The following ADAM2 variants were observed in gnomAD, a reference collection of about 807,000 sequenced individuals.
ADAM2 encodes ADAM metallopeptidase domain 2.
In ADAM2, 101 loss-of-function variants were observed where a neutral mutation model predicts 99.3. That is an observed-to-expected ratio of 1.02 (90% CI 0.87 to 1.20). ADAM2 has a LOEUF of 1.20. Ranked by LOEUF, ADAM2 falls within the 50% of genes most tolerant of loss-of-function variation. ADAM2 has a pLI of 0.00. For missense variants in ADAM2, 948 were observed against 878.7 expected, an observed-to-expected ratio of 1.08 and a Z score of -1.00; for synonymous variants, 323 against 287.6, an observed-to-expected ratio of 1.12 and a Z score of -1.25.
At chr8:39,801,735 G>A (rs913285153) in intron 7 of ADAM2, among the ~76,000 whole-genome samples, 8 of 152,008 alleles carry the variant, frequency 5.3e-5, no homozygotes, top group African/African-American at 1.2e-4. Context: ...AGATGCTGCA[G>A]GGAAGCCCCA....
rs766871163 is a variant in ADAM2, at chr8:39,777,176, T to G, written c.892-15A>C. 18 of 1,587,768 alleles carry G rather than the reference T, an allele frequency of 1.1e-5. No individual in the cohort carries two copies. In the Admixed American group the frequency reaches 3.1e-4, roughly 27 times the overall value. On this transcript the variant is annotated splice_polypyrimidine_tract_variant and intron_variant, in intron 10 of 20. Coordinates refer to ENST00000265708, the MANE Select transcript of ADAM2 (RefSeq NM_001464.5). ...GTTCTGGGGTGCTGAGAAAAAAAAA[T>G]AGATGTACACGTTTTGGGAGATTAT...
At chr8:39,821,441 G>A (rs1176690552) in intron 5 of ADAM2, 145 bp downstream of exon 5, 2 of 648,276 alleles carry the variant, frequency 3.1e-6, no homozygotes, top group Non-Finnish European at 5.2e-6. Context: ...GCCATCATAA[G>A]TATTTCCATA....
At chr8:39,833,827 ATGAAT>A (rs1805710819) in intron 3 of ADAM2, 112 bp downstream of exon 3, 1 of 688,204 alleles carries the variant, frequency 1.5e-6, no homozygotes, top group Non-Finnish European at 2.6e-6. Context: ...TAAGGGATGA[ATGAAT>A]GGCAAGAAGC....
chr8:39,813,783 G>C (rs559534013), intron 6 of ADAM2, among the ~76,000 whole-genome samples: 1 of 151,910 alleles, frequency 6.6e-6, no homozygotes, highest in Non-Finnish European at 1.5e-5. Context: ...GGTTGCGGGC[G>C]GGGAGGGATA....
At chr8:39,781,911 C>T (rs569414405) in intron 10 of ADAM2, among the ~76,000 whole-genome samples, 1 of 152,246 alleles carries the variant, frequency 6.6e-6, no homozygotes, top group East Asian at 1.9e-4. Flanking sequence ...GGAAAGAGGC[C>T]AGCGATATGG....
intron 10 of ADAM2, among the ~76,000 whole-genome samples, chr8:39,779,972 G>A (rs896788115): frequency 2.6e-5 from 4 of 151,880 alleles, no homozygotes; most frequent in African/African-American, 7.3e-5. Context: ...AGATGTTCAC[G>A]CCAATTCAAA....
At chr8:39,837,997 G>A in intron 1 of ADAM2, 134 bp downstream of exon 1, 2 of 942,466 alleles carry the variant, frequency 2.1e-6, no homozygotes, top group African/African-American at 1.6e-5. Flanking sequence ...GGCAATGTCG[G>A]GGATGAGCTT....
At chr8:39,777,362 A>T (rs183634610) in intron 10 of ADAM2, among the ~76,000 whole-genome samples, 280 of 152,222 alleles carry the variant, frequency 1.8e-3, no homozygotes, top group African/African-American at 6.3e-3. Context: ...ATGTAAATGG[A>T]TGACTCATTT....
At position 39,746,565 on chromosome 8, in the gene ADAM2, G is replaced by A; in HGVS notation, c.2081C>T (p.Pro694Leu). The A allele has an allele frequency of 6.2e-7, 1 of 1,606,526 alleles. No homozygotes were observed. The highest frequency in any genetic ancestry group is 8.5e-7 in the Non-Finnish European group (1 of 1,176,310). ...CAGTACACAGAAAATAATAAAGAAA[G>A]GAATGAATAAGAAAAATGGCCATCT... is the stretch of plus-strand genomic sequence containing the variant. ...PMRWPFFLFI[P>L]FFIIFCVLIA... Residue 694 changes from proline to leucine, a missense_variant, in exon 19 of 21, where the codon CCT becomes CTT. Transcript: ENST00000265708.
rs548292585 is a variant in ADAM2, at chr8:39,744,922, T to C, written c.2175-29A>G. On this transcript the variant is annotated intron_variant, in intron 19 of 20. Coordinates refer to ENST00000265708, the MANE Select transcript of ADAM2 (RefSeq NM_001464.5). Reference sequence around the variant, plus strand: ...CATATTAAAAATAAAAATAATATTATACTTTCTTCAAGATGATTTTACAAA... The same window carrying C: ...CATATTAAAAATAAAAATAATATTACACTTTCTTCAAGATGATTTTACAAA... The C allele has an allele frequency of 9.8e-6, 15 of 1,533,458 alleles. 1 individual carries two copies. Among genetic ancestry groups the C allele is most frequent in the African/African-American group, 2.8e-5 (2 of 72,544 alleles). The allele number at this position is 1,533,458 out of a possible 1,614,324, so 95.0% of individuals were successfully genotyped here.
chr8:39,794,989 C>G (rs1042243343), intron 7 of ADAM2, among the ~76,000 whole-genome samples: 1 of 151,872 alleles, frequency 6.6e-6, no homozygotes, highest in Non-Finnish European at 1.5e-5. Context: ...AATTCATAAA[C>G]AAGAAAAATA....
chr8:39,833,909 C>A, intron 3 of ADAM2, 35 bp downstream of exon 3: 1 of 1,138,014 alleles, frequency 8.8e-7, no homozygotes, highest in Non-Finnish European at 1.3e-6. Context: ...ATAAGTAGAA[C>A]AAAGAGAATT....
intron 14 of ADAM2, among the ~76,000 whole-genome samples, chr8:39,762,588 C>T (rs1802411947): frequency 6.6e-6 from 1 of 152,078 alleles, no homozygotes; most frequent in Admixed American, 6.5e-5. Context: ...ATGAAGTCTA[C>T]AATAAGTTTA....
At chr8:39,786,913 G>A in intron 10 of ADAM2, 61 bp downstream of exon 10, 1 of 1,231,260 alleles carries the variant, frequency 8.1e-7, no homozygotes, top group Non-Finnish European at 1.1e-6. Flanking sequence ...AATTAAATAT[G>A]AAAATGTGTA....
intron 10 of ADAM2, among the ~76,000 whole-genome samples, chr8:39,785,349 T>C (rs1264380186): frequency 6.6e-6 from 1 of 152,100 alleles, no homozygotes; most frequent in African/African-American, 2.4e-5. Flanking sequence ...ACGGCTCTTA[T>C]TACAAAATAA....
Position 39,808,227 on chromosome 8 carries a change from C to T in ADAM2, c.570+1183G>A, listed in dbSNP as rs1804528728. 4.6e-5 allele frequency among the ~76,000 whole-genome samples: 6 copies of T among 130,962 alleles called. No individual in the cohort carries two copies. In the Admixed American group the frequency reaches 4.6e-4, roughly 10 times the overall value. The allele number at this position is 130,962 out of a possible 152,430, so 85.9% of individuals were successfully genotyped here. ...ACACACACACACACACACACAATTACAAGTAATAAACATTTTTTGCAAAAA... is the reference window on the plus strand; with the variant it reads ...ACACACACACACACACACACAATTATAAGTAATAAACATTTTTTGCAAAAA... On this transcript the variant is annotated intron_variant, in intron 7 of 20. Coordinates refer to ENST00000265708, the MANE Select transcript of ADAM2 (RefSeq NM_001464.5).
Position 39,769,567 on chromosome 8 carries a change from C to T in ADAM2, c.1037G>A (p.Ser346Asn). 2.5e-6 allele frequency: 4 copies of T among 1,611,710 alleles called. No homozygotes were observed. Among genetic ancestry groups the T allele is most frequent in the Non-Finnish European group, 3.4e-6 (4 of 1,178,082 alleles). Residue 346 changes from serine to asparagine, a missense_variant, in exon 12 of 21, where the codon AGT becomes AAT. Transcript: ENST00000265708. ...GCAGTTACTAAAGATCTTCACACCA[C>T]TGAAATGACTAAAGACACATCAAAC... The part of the protein sequence containing the change: ...CIMNPEAIHF[S>N]GVKIFSNCSF...
intron 15 of ADAM2, among the ~76,000 whole-genome samples, chr8:39,757,620 G>A (rs372124124): frequency 7.5e-4 from 114 of 152,234 alleles, no homozygotes; most frequent in African/African-American, 2.6e-3. Flanking sequence ...AATCCAGGGA[G>A]CACATAAAAA....
chr8:39,818,129 C>A (rs1439289850), intron 6 of ADAM2: 1 of 151,806 alleles, frequency 6.6e-6, no homozygotes, highest in Non-Finnish European at 1.5e-5. Context: ...CATATGAAAA[C>A]AAGTCTGCAC....
Sources: gnomAD v4.1 joint callset for allele counts (sites outside exome capture counted in the v4.1 genomes callset) on GRCh38, gnomAD v4.1.1 for gene constraint, MANE v1.5 for transcripts, NCBI Gene and HGNC (gene_info 2026-07-23, HGNC 2026-07-21) for gene names.